The following GUCY2F variants were observed in gnomAD, a reference collection of about 807,000 sequenced individuals.
The protein encoded by GUCY2F is guanylate cyclase 2F, retinal, also known as retinal guanylyl cyclase 2.
A neutral mutation model predicts 73.1 loss-of-function variants in GUCY2F; 61 were observed. That is an observed-to-expected ratio of 0.83 (90% CI 0.68 to 1.03). The LOEUF (loss-of-function observed/expected upper bound fraction) is 1.03. Among genes scored for constraint, GUCY2F ranks in the 50% least tolerant of loss-of-function variants. The pLI is 0.00. For synonymous variants in GUCY2F, 331 were observed against 307.8 expected, an observed-to-expected ratio of 1.08 and a Z score of -0.79; for missense variants, 912 against 854.3, an observed-to-expected ratio of 1.07 and a Z score of -0.84.
intron 1 of GUCY2F, among the ~76,000 whole-genome samples, chrX:109,480,224 C>G (rs1307616584): frequency 9.0e-6 from 1 of 111,407 alleles, no homozygotes. Context: ...TCTGCCCTCT[C>G]GTTAATGGAG....
chrX:109,441,259 C>T (rs957987699), intron 7 of GUCY2F, 92 bp downstream of exon 7: 4 of 520,584 alleles, frequency 7.7e-6, no homozygotes, highest in Admixed American at 8.1e-5. Context: ...GCCAAAAGCC[C>T]CAGTATTTTT....
intron 1 of GUCY2F, among the ~76,000 whole-genome samples, chrX:109,480,973 A>G (rs1932760715): frequency 1.0e-5 from 1 of 99,523 alleles, no homozygotes; most frequent in Non-Finnish European, 2.0e-5. Flanking sequence ...AGGGGGAGGA[A>G]GGGAGAGGGA....
chrX:109,429,481 G>A (rs1328269908), intron 8 of GUCY2F, among the ~76,000 whole-genome samples: 4 of 110,946 alleles, frequency 3.6e-5, no homozygotes, highest in African/African-American at 1.3e-4. Context: ...CTAACCTATA[G>A]GGCATGTCCT....
Position 109,453,615 on chromosome X carries a change from A to T in GUCY2F, c.1277T>A (p.Met426Lys). The T allele has an allele frequency of 8.3e-7, 1 of 1,203,753 alleles. No individual in the cohort carries two copies. Among genetic ancestry groups the T allele is most frequent in the Non-Finnish European group, 1.1e-6 (1 of 888,481 alleles). Residue 426 changes from methionine (M) to lysine (K), a missense_variant, in exon 4 of 20, where the codon ATG (methionine) becomes AAG (lysine). Transcript: ENST00000218006. ...TCCGAAACGTAGCAGCTCCATTTCC[A>T]TGTCCACAGTGTAGGTGCTATGGAG... ...WELHSTYTVD[M>K]EMELLRFGGT...
rs192330154 is a variant in GUCY2F, at chrX:109,475,946, G to T, written c.-10C>A. 1.2e-5 allele frequency: 14 copies of T among 1,184,920 alleles called. No homozygotes were observed. In the Admixed American group the frequency reaches 3.3e-4, roughly 28 times the overall value. On this transcript the variant is annotated 5_prime_UTR_variant, in exon 2 of 20. Transcript: ENST00000218006. ...CGAGTCCCAGGAACATAGCCCTCCT[G>T]CTTCCAGCAAGCTAATGACGAGATA...
intron 6 of GUCY2F, among the ~76,000 whole-genome samples, chrX:109,447,124 C>T (rs1932030681): frequency 8.9e-6 from 1 of 111,783 alleles, no homozygotes; most frequent in Non-Finnish European, 1.9e-5. Context: ...AGTCAGGAAA[C>T]AACAGGTGCT....
intron 10 of GUCY2F, among the ~76,000 whole-genome samples, chrX:109,400,481 AAAT>A (rs1930814132): frequency 8.9e-6 from 1 of 111,996 alleles, no homozygotes; most frequent in African/African-American, 3.3e-5. Context: ...AAGTCCTATG[AAAT>A]AGGAAGAAGG....
intron 11 of GUCY2F, among the ~76,000 whole-genome samples, chrX:109,397,952 T>C (rs966610004): frequency 9.0e-6 from 1 of 111,449 alleles, no homozygotes; most frequent in Non-Finnish European, 1.9e-5. Context: ...TTATTATTGG[T>C]AATCTTGATT....
chrX:109,376,182 CAT>C lies in GUCY2F; in HGVS notation c.3151-17_3151-16del. The C allele has an allele frequency of 1.8e-6, 2 of 1,099,089 alleles. No individual in the cohort carries two copies. Among genetic ancestry groups the C allele is most frequent in the Non-Finnish European group, 2.5e-6 (2 of 798,322 alleles). The allele number at this position is 1,099,089 out of a possible 1,213,427, so 90.6% of individuals were successfully genotyped here. A position where few individuals can be genotyped will look rare whatever the true frequency, so the allele number is the denominator to read the frequency against. On this transcript the variant is annotated splice_polypyrimidine_tract_variant and intron_variant, in intron 17 of 19. Transcript: ENST00000218006. ...GTGCCTTTGCCCTTATTATAGAAAACATAAAAAATCTTAAGCCTGCTATAATC... is the reference window on the plus strand; with the variant it reads ...GTGCCTTTGCCCTTATTATAGAAAACAAAAAATCTTAAGCCTGCTATAATC...
At chrX:109,432,092 A>G (rs1364988456) in intron 7 of GUCY2F, among the ~76,000 whole-genome samples, 2 of 111,135 alleles carry the variant, frequency 1.8e-5, no homozygotes, top group African/African-American at 6.6e-5. Flanking sequence ...AGAAAGGCCA[A>G]TTCTCAAGCC....
intron 16 of GUCY2F, 105 bp downstream of exon 16, chrX:109,385,079 C>G (rs1170632726): frequency 4.6e-6 from 2 of 435,363 alleles, no homozygotes; most frequent in Non-Finnish European, 8.1e-6. Context: ...TTCTTTAAAA[C>G]ATTGAAACAT....
intron 1 of GUCY2F, among the ~76,000 whole-genome samples, chrX:109,477,402 G>T (rs1932719977): frequency 9.0e-6 from 1 of 111,680 alleles, no homozygotes; most frequent in Non-Finnish European, 1.9e-5. Context: ...TCTTGAATTG[G>T]CCAACAAGTG....
At chrX:109,453,187 A>G (rs1432363402) in intron 4 of GUCY2F, among the ~76,000 whole-genome samples, 1 of 111,599 alleles carries the variant, frequency 9.0e-6, no homozygotes, top group Non-Finnish European at 1.9e-5. Context: ...ATCATAGGTC[A>G]TAGCCTACAA....
At chrX:109,395,251 T>C (rs1165331931) in intron 12 of GUCY2F, 90 bp downstream of exon 12, 3 of 804,055 alleles carry the variant, frequency 3.7e-6, no homozygotes, top group Non-Finnish European at 5.5e-6. Flanking sequence ...AGAGGTTCCT[T>C]CCACAATATG....
rs73248162 is a variant in GUCY2F at position 109,481,198 on chromosome X, A to C, written c.-86+668T>G. Among the ~76,000 whole-genome samples, 540 of 111,696 alleles carry C rather than the reference A, an allele frequency of 4.8e-3. 12 individuals are homozygous for C. Among genetic ancestry groups the C allele is most frequent in the Non-Finnish European group, 6.3e-3 (333 of 52,987 alleles). On this transcript the variant is annotated intron_variant, in intron 1 of 19. Coordinates refer to ENST00000218006, the MANE Select transcript of GUCY2F (RefSeq NM_001522.3). ...TTGGTTTAAGGAAAAAAATTAGCTCACTAAAGTCTTTCCTGGGGTTAATGG... is the reference window on the plus strand; with the variant it reads ...TTGGTTTAAGGAAAAAAATTAGCTCCCTAAAGTCTTTCCTGGGGTTAATGG...
intron 7 of GUCY2F, 56 bp from the exon 8 acceptor site, chrX:109,430,452 A>G (rs932547728): frequency 1.2e-4 from 82 of 662,067 alleles, no homozygotes; most frequent in Non-Finnish European, 2.0e-4. Flanking sequence ...CAGCAGTTTT[A>G]GAAAAATGTC....
intron 3 of GUCY2F, among the ~76,000 whole-genome samples, chrX:109,457,265 G>T (rs370659285): frequency 8.9e-6 from 1 of 111,945 alleles, no homozygotes; most frequent in Non-Finnish European, 1.9e-5. Context: ...TCAGCATAAT[G>T]GTTCGTGCTG....
chrX:109,465,922 T>C (rs189862679), intron 2 of GUCY2F, among the ~76,000 whole-genome samples: 2 of 112,044 alleles, frequency 1.8e-5, no homozygotes, highest in Non-Finnish European at 3.8e-5. Flanking sequence ...TAGTAGCTAC[T>C]ATATACCTAA....
Position 109,410,637 on chromosome X carries a change from AG to A in GUCY2F, c.1792-1470del, listed in dbSNP as rs752866164. ...TCCCGAAAAAGCTCACATTCAATGAAGGGTGATAAGCAAGTAATCCAACAAT... is the reference window on the plus strand; with the variant it reads ...TCCCGAAAAAGCTCACATTCAATGAAGGTGATAAGCAAGTAATCCAACAAT... On this transcript the variant is annotated intron_variant, in intron 8 of 19. Coordinates refer to ENST00000218006, the MANE Select transcript of GUCY2F (RefSeq NM_001522.3). Among the ~76,000 whole-genome samples the A allele has an allele frequency of 7.8e-3, 880 of 112,731 alleles. 9 individuals carry two copies. The highest frequency in any genetic ancestry group is 0.027 in the African/African-American group (840 of 31,024).
Sources: allele counts gnomAD v4.1 joint callset (sites outside exome capture counted in the v4.1 genomes callset), GRCh38; gene constraint gnomAD v4.1.1; transcripts MANE v1.5; gene names NCBI Gene and HGNC (gene_info 2026-07-23, HGNC 2026-07-21).